The following SPAG8 variants were observed in gnomAD, a reference collection of about 807,000 sequenced individuals.
SPAG8 encodes the protein sperm-associated antigen 8.
A neutral mutation model predicts 45.3 loss-of-function variants in SPAG8; 36 were observed. The ratio of observed to expected loss-of-function variants is 0.80; its 90% confidence interval spans 0.61 to 1.05. SPAG8 has a LOEUF of 1.05. Ranked by LOEUF, SPAG8 falls within the 50% of genes least tolerant of loss-of-function variation. The pLI is 0.00. For missense variants in SPAG8, 573 were observed against 609.2 expected, an observed-to-expected ratio of 0.94 and a Z score of 0.63; for synonymous variants, 227 against 232.6, an observed-to-expected ratio of 0.98 and a Z score of 0.22.
intron 6 of SPAG8, 52 bp from the exon 7 acceptor site, chr9:35,810,184 A>C: frequency 6.2e-7 from 1 of 1,609,384 alleles, no homozygotes; most frequent in Non-Finnish European, 8.5e-7. Context: ...AGCCAGAACA[A>C]AACAACTCTG....
At chr9:35,809,314 G>A, downstream of SPAG8, 1 of 1,610,874 alleles carries the variant, frequency 6.2e-7, no homozygotes, top group South Asian at 1.1e-5. The surrounding 1 kb of genome is among the most constrained non-coding windows in gnomAD (Gnocchi z 4.1). Flanking sequence ...GAATCATAGG[G>A]AAAGAGAGGG....
downstream of SPAG8, chr9:35,808,062 C>T: frequency 5.1e-6 from 4 of 777,450 alleles, no homozygotes; most frequent in Non-Finnish European, 8.9e-6. The surrounding 1 kb of genome is among the most constrained non-coding windows in gnomAD (Gnocchi z 4.0). Flanking sequence ...AAAACAATGG[C>T]ATTTATTCTC....
chr9:35,808,944 G>T, downstream of SPAG8: 1 of 985,934 alleles, frequency 1.0e-6, no homozygotes, highest in East Asian at 2.4e-5. This position sits in a 1 kb window ranked among gnomAD's most constrained non-coding sequence, Gnocchi z 4.0. Context: ...TAATCTGAGA[G>T]ACCACAGTTC....
downstream of SPAG8, chr9:35,809,286 G>T (rs202137382): frequency 6.2e-7 from 1 of 1,610,566 alleles, no homozygotes; most frequent in South Asian, 1.1e-5. The surrounding 1 kb of genome is among the most constrained non-coding windows in gnomAD (Gnocchi z 4.1). Context: ...TGGAAAGGGA[G>T]GGTGAAAGTG....
At position 35,812,214 on chromosome 9, in the gene SPAG8, C is replaced by T; in HGVS notation, c.-67G>A. 2 of 1,570,154 alleles carry T rather than the reference C, an allele frequency of 1.3e-6. No homozygotes were observed. Among genetic ancestry groups the T allele is most frequent in the East Asian group, 2.2e-5 (1 of 44,714 alleles). On this transcript the variant is annotated 5_prime_UTR_variant, in exon 1 of 7. Coordinates refer to ENST00000396638, the MANE Select transcript of SPAG8 (RefSeq NM_001039592.2). ...AACTCCTGGAGCCTGCGCAGAAGTA[C>T]AGCTGGGCGGACTTGCAGGTGGCGG...
chr9:35,811,493 G>A lies in SPAG8; in HGVS notation c.553C>T (p.Pro185Ser), dbSNP rs986423759. The A allele has an allele frequency of 5.1e-6, 5 of 989,404 alleles. No homozygotes were observed. The highest frequency in any genetic ancestry group is 6.7e-6 in the Non-Finnish European group (5 of 750,044). The allele number at this position is 989,404 out of a possible 1,614,324, so 61.3% of individuals were successfully genotyped here. The change falls in exon 2 of 7, where the codon CCT becomes TCT. Residue 185 changes from proline to serine, a missense_variant. Coordinates refer to ENST00000396638, the MANE Select transcript of SPAG8 (RefSeq NM_001039592.2). ...GGATGAGAGCCAGAGCCATGACCAG[G>A]ACCAGAGCCAGGACCAGAGCCAGGA... The part of the protein sequence containing the change: ...PGPGSGPGSG[P>S]GHGSGSHPGP...
rs1248004385 is a variant in SPAG8, at chr9:35,811,659, A to C, written c.387T>G (p.Thr129=). The change falls in exon 2 of 7, where the codon ACT becomes ACG. Residue 129 remains threonine, a synonymous_variant. Transcript: ENST00000396638. ...SCIAQDTCTT[T]DHSSNPGPVP... Reference sequence around the variant, plus strand: ...CAGGGCCAGGATTAGAACTATGGTCAGTTGTAGTGCAAGTGTCCTGAGCAA... The same window carrying C: ...CAGGGCCAGGATTAGAACTATGGTCCGTTGTAGTGCAAGTGTCCTGAGCAA... The C allele has an allele frequency of 6.2e-7, 1 of 1,614,250 alleles. No individual in the cohort carries two copies. Among genetic ancestry groups the C allele is most frequent in the East Asian group, 2.2e-5 (1 of 44,890 alleles).
In SPAG8 at chr9:35,811,951, G is replaced by C; in HGVS notation, c.95C>G (p.Pro32Arg). 3 of 1,600,078 alleles carry C rather than the reference G, an allele frequency of 1.9e-6. No homozygotes were observed. The highest frequency in any genetic ancestry group is 2.6e-6 in the Non-Finnish European group (3 of 1,170,184). The change falls in exon 2 of 7, where the codon CCG becomes CGG. Residue 32 changes from proline to arginine, a missense_variant. Coordinates refer to ENST00000396638, the MANE Select transcript of SPAG8 (RefSeq NM_001039592.2). Reference sequence around the variant, plus strand: ...GGGACTGTCATCTGAAGAAGGAAACGGTTCCGAAGTGGGCCCCAGTCCTTC... The same window carrying C: ...GGGACTGTCATCTGAAGAAGGAAACCGTTCCGAAGTGGGCCCCAGTCCTTC... ...SSEGLGPTSE[P>R]FPSSDDSPRS...
chr9:35,808,389 A>G (rs1828538823), downstream of SPAG8: 5 of 1,397,952 alleles, frequency 3.6e-6, no homozygotes, highest in Admixed American at 9.0e-5. The surrounding 1 kb of genome is among the most constrained non-coding windows in gnomAD (Gnocchi z 4.0). Flanking sequence ...TTTTCTAGTC[A>G]ATATTCTGGT....
At chr9:35,808,719 C>A, downstream of SPAG8, 1 of 1,612,326 alleles carries the variant, frequency 6.2e-7, no homozygotes, top group African/African-American at 1.3e-5. The surrounding 1 kb of genome is among the most constrained non-coding windows in gnomAD (Gnocchi z 4.0). Flanking sequence ...TAGTCTCCAC[C>A]TTTCCCAGAC....
chr9:35,811,128 C>A (rs946997861), intron 2 of SPAG8, 54 bp downstream of exon 2: 1 of 1,562,890 alleles, frequency 6.4e-7, no homozygotes, highest in African/African-American at 1.4e-5. Context: ...ACTGCCTCCC[C>A]TAAGAAACTG....
Position 35,810,676 on chromosome 9 carries a change from C to T in SPAG8, c.1046G>A (p.Arg349His), listed in dbSNP as rs138285220. 964 of 1,614,028 alleles carry T rather than the reference C, an allele frequency of 6.0e-4. No individual in the cohort carries two copies. Among genetic ancestry groups the T allele is most frequent in the Admixed American group, 7.5e-4 (45 of 60,010 alleles). ...CAGGAGCATCTCCAGCATGGCTTCA[C>T]GCTTCCCTGTGAGAGAGTTGGGGGG... ...GNVYWPLRGK[R>H]EAMLEMLLQH... The change falls in exon 4 of 7, where the codon CGT becomes CAT. Residue 349 changes from arginine to histidine, a missense_variant. Transcript: ENST00000396638.
At chr9:35,808,932 C>A (rs1402712147), downstream of SPAG8, 2 of 1,048,242 alleles carry the variant, frequency 1.9e-6, no homozygotes, top group Non-Finnish European at 3.0e-6. This position sits in a 1 kb window ranked among gnomAD's most constrained non-coding sequence, Gnocchi z 4.0. Context: ...CCTCCAATTT[C>A]TTAATCTGAG....
At position 35,810,619 on chromosome 9, in the gene SPAG8, C is replaced by T. The variant is rs1175860127; in HGVS notation, c.1085+18G>A. ...TTTTCTCCTCCCCATCCCTCTTCCC[C>T]TTTACCCAATCCCTTACCAGATCTG... is the stretch of plus-strand genomic sequence containing the variant. On this transcript the variant is annotated intron_variant, in intron 4 of 6. Coordinates refer to ENST00000396638, the MANE Select transcript of SPAG8 (RefSeq NM_001039592.2). The T allele has an allele frequency of 1.2e-6, 2 of 1,614,142 alleles. No individual in the cohort carries two copies. Among genetic ancestry groups the T allele is most frequent in the South Asian group, 1.1e-5 (1 of 91,084 alleles).
chr9:35,810,948 A>G lies in SPAG8; in HGVS notation c.974T>C (p.Met325Thr). Residue 325 changes from methionine to threonine, a missense_variant, in exon 3 of 7, where the codon ATG becomes ACG. By Grantham distance (81) the Met-to-Thr change is moderately conservative (BLOSUM62 -1). Coordinates refer to ENST00000396638, the MANE Select transcript of SPAG8 (RefSeq NM_001039592.2). ...GLLTMQLKSPMPSSTTQKDSY... is the reference protein window; with the variant it reads ...GLLTMQLKSPTPSSTTQKDSY... ...GTCTTTCTGGGTGGTGCTGGAGGGC[A>G]TGGGTGACTTTAGTTGCATAGTCAG... 6.2e-7 allele frequency: 1 copy of G among 1,614,062 alleles called. No homozygotes were observed. Among genetic ancestry groups the G allele is most frequent in the Non-Finnish European group, 8.5e-7 (1 of 1,179,986 alleles).
At position 35,810,117 on chromosome 9, in the gene SPAG8, T is replaced by C. The variant is rs770457946; in HGVS notation, c.1279A>G (p.Arg427Gly). The C allele has an allele frequency of 3.7e-6, 6 of 1,611,168 alleles. No homozygotes were observed. In the African/African-American group the frequency reaches 6.7e-5, roughly 18 times the overall value. The change falls in exon 7 of 7, where the codon AGG becomes GGG. Residue 427 changes from arginine (R) to glycine (G), a missense_variant. Coordinates refer to ENST00000396638, the MANE Select transcript of SPAG8 (RefSeq NM_001039592.2). ...APQLPGVSNI[R>G]TLDTPFRKNC... Reference sequence around the variant, plus strand: ...TTCCGGAATGGTGTGTCCAATGTCCTGATGTTACTGACACCCTGGAGGAGT... The same window carrying C: ...TTCCGGAATGGTGTGTCCAATGTCCCGATGTTACTGACACCCTGGAGGAGT...
At chr9:35,808,328 A>G (rs777054116), downstream of SPAG8, 3 of 1,562,628 alleles carry the variant, frequency 1.9e-6, no homozygotes, top group African/African-American at 2.7e-5. This position sits in a 1 kb window ranked among gnomAD's most constrained non-coding sequence, Gnocchi z 4.0. Context: ...AAGAAGACTT[A>G]AAGATTCCCT....
At chr9:35,808,605 T>A, downstream of SPAG8, 1 of 1,614,172 alleles carries the variant, frequency 6.2e-7, no homozygotes, top group Non-Finnish European at 8.5e-7. The surrounding 1 kb of genome is among the most constrained non-coding windows in gnomAD (Gnocchi z 4.0). Flanking sequence ...GGCCCTAGCA[T>A]TACTAGATGC....
chr9:35,807,931 A>G (rs370183833), downstream of SPAG8: 27 of 523,826 alleles, frequency 5.2e-5, no homozygotes, highest in Admixed American at 2.5e-4. Context: ...GGAATAATAG[A>G]TTCGTTGTAT....
Sources: allele counts gnomAD v4.1 joint callset, GRCh38; gene constraint gnomAD v4.1.1; non-coding constraint Gnocchi (gnomAD v3.1); transcripts MANE v1.5; gene names NCBI Gene and HGNC (gene_info 2026-07-23, HGNC 2026-07-21).